CADM3: variants seen among roughly 807,000 people sequenced by gnomAD.
CADM3 encodes cell adhesion molecule 3.
In CADM3, 11 loss-of-function variants were observed where a neutral mutation model predicts 44.9. That is an observed-to-expected ratio of 0.25 (90% CI 0.15 to 0.41). The LOEUF is 0.41. CADM3 is among the 10% of genes least tolerant of loss of function. The pLI, the probability that CADM3 is intolerant of heterozygous loss-of-function variation, is 1.00. For synonymous variants in CADM3, 207 were observed against 205.2 expected, an observed-to-expected ratio of 1.01 and a Z score of -0.08; for missense variants, 426 against 512.0, an observed-to-expected ratio of 0.83 and a Z score of 1.62.
chr1:159,186,398 G>A (rs1649419297), intron 1 of CADM3, among the ~76,000 whole-genome samples: 1 of 152,120 alleles, frequency 6.6e-6, no homozygotes, highest in Non-Finnish European at 1.5e-5. Flanking sequence ...AGCAACCTGG[G>A]CCTTCTCTCA....
chr1:159,192,696 T>TG lies in CADM3; in HGVS notation c.349dup (p.Val117GlyfsTer23). On this transcript the variant is annotated frameshift_variant, in exon 3 of 9. Transcript: ENST00000368125. LOFTEE classifies it high-confidence loss of function. The stretch of plus-strand genomic sequence containing the variant: ...ACACCTGCTCAATCTTCACTATGCC[T>TG]GTGCGAACTGCCAAGTCCCTCGTCA... 6.2e-7 allele frequency: 1 copy of TG among 1,613,988 alleles called. No homozygotes were observed. The highest frequency in any genetic ancestry group is 8.5e-7 in the Non-Finnish European group (1 of 1,179,982).
chr1:159,185,907 A>T (rs1470350785), intron 1 of CADM3, among the ~76,000 whole-genome samples: 1 of 152,226 alleles, frequency 6.6e-6, no homozygotes, highest in Non-Finnish European at 1.5e-5. Flanking sequence ...AATCGTTATA[A>T]TTTGGGAGGA....
intron 7 of CADM3, among the ~76,000 whole-genome samples, chr1:159,198,799 TG>T (rs1159341695): frequency 6.6e-6 from 1 of 152,198 alleles, no homozygotes; most frequent in Non-Finnish European, 1.5e-5. Context: ...CGGCCCAGTC[TG>T]TGCTGTTGAT....
rs1394780360 is a variant in CADM3, at chr1:159,191,982, C to T, written c.135C>T (p.Thr45=). Reference sequence around the variant, plus strand: ...ATGAAACAGTGGTGGCTGGTGGCACCGTGGTGCTCAAGTGCCAAGTGAAAG... The same window carrying T: ...ATGAAACAGTGGTGGCTGGTGGCACTGTGGTGCTCAAGTGCCAAGTGAAAG... The part of the protein sequence containing the change: ...TSDETVVAGG[T]VVLKCQVKDH... Residue 45 remains threonine, a synonymous_variant, in exon 2 of 9, where the codon ACC becomes ACT. Coordinates refer to ENST00000368125, the MANE Select transcript of CADM3 (RefSeq NM_001127173.3). 6.8e-6 allele frequency: 11 copies of T among 1,614,106 alleles called. No individual in the cohort carries two copies. The highest frequency in any genetic ancestry group is 8.5e-6 in the Non-Finnish European group (10 of 1,179,994).
chr1:159,200,757 A>T, intron 8 of CADM3, 47 bp from the exon 9 acceptor site: 2 of 1,424,502 alleles, frequency 1.4e-6, no homozygotes, highest in Non-Finnish European at 1.9e-6. Context: ...GTGGACTCAG[A>T]GGTTGGGAAG....
rs34079507 is a variant in CADM3, at chr1:159,185,751, G to A, written c.89-6185G>A. On this transcript the variant is annotated intron_variant, in intron 1 of 8. Coordinates refer to ENST00000368125, the MANE Select transcript of CADM3 (RefSeq NM_001127173.3). ...TTTGGTTTGCTATTTCCTCTCTACC[G>A]GCAGATTTTGAACCTAACTCTTACA... Among the ~76,000 whole-genome samples the A allele has an allele frequency of 2.2e-3, 334 of 152,052 alleles. 3 individuals carry two copies. The highest frequency in any genetic ancestry group is 7.6e-3 in the African/African-American group (313 of 41,434).
chr1:159,178,273 A>G (rs1297561107), intron 1 of CADM3, among the ~76,000 whole-genome samples: 1 of 152,220 alleles, frequency 6.6e-6, no homozygotes, highest in African/African-American at 2.4e-5. Flanking sequence ...TAAGTGTGGA[A>G]TGTAAAATGA....
rs1261752303 is a variant in CADM3 at position 159,192,655 on chromosome 1, G to A, written c.307G>A (p.Ala103Thr). The change falls in exon 3 of 9, where the codon GCA becomes ACA. Residue 103 changes from alanine (A) to threonine (T), a missense_variant. By Grantham distance (58) the Ala-to-Thr change is moderately conservative. Coordinates refer to ENST00000368125, the MANE Select transcript of CADM3 (RefSeq NM_001127173.3). ...CATCAGCATCAGCAATGTGGCCCTG[G>A]CAGACGAGGGCGAGTACACCTGCTC... ...LSISISNVAL[A>T]DEGEYTCSIF... The A allele has an allele frequency of 1.9e-6, 3 of 1,613,980 alleles. No individual in the cohort carries two copies. The highest frequency in any genetic ancestry group is 2.5e-6 in the Non-Finnish European group (3 of 1,180,026).
At position 159,197,994 on chromosome 1, in the gene CADM3, A is replaced by T. The variant is rs183126058; in HGVS notation, c.952+934A>T. 478 of 152,358 alleles carry T rather than the reference A, an allele frequency of 3.1e-3. 1 individual carries two copies. The highest frequency in any genetic ancestry group is 4.5e-3 in the Non-Finnish European group (303 of 68,052). 9.4% of individuals were successfully genotyped at this position (152,358 alleles called of 1,614,324 possible). A position where few individuals can be genotyped will look rare whatever the true frequency, so the allele number is the denominator to read the frequency against. On this transcript the variant is annotated intron_variant, in intron 7 of 8. Coordinates refer to ENST00000368125, the MANE Select transcript of CADM3 (RefSeq NM_001127173.3). ...TGCCAAGAGCAAGGACAATGCACTG[A>T]GCTCCGGTCTCTGCCCCCAGATCTC... is the stretch of plus-strand genomic sequence containing the variant.
intron 3 of CADM3, 23 bp from the exon 4 acceptor site, chr1:159,193,399 CT>C (rs1557936649): frequency 7.6e-6 from 12 of 1,571,590 alleles, no homozygotes; most frequent in Non-Finnish European, 1.0e-5. Context: ...CCTTCCTATC[CT>C]GGCCATCCCC....
chr1:159,196,966 C>A lies in CADM3; in HGVS notation c.858C>A (p.Phe286Leu). ...LKMTQESALIFPFLNKSDSGT... is the reference protein window; with the variant it reads ...LKMTQESALILPFLNKSDSGT... ...TGACCCAGGAGAGTGCCCTGATCTT[C>A]CCTTTCCTCAACAAGAGTGACAGTG... The change falls in exon 7 of 9, where the codon TTC (phenylalanine) becomes TTA (leucine). Residue 286 changes from phenylalanine to leucine, a missense_variant. This residue lies in a region of CADM3 where 362 missense variants were observed against 474.6 expected (regional missense o/e 0.76). Coordinates refer to ENST00000368125, the MANE Select transcript of CADM3 (RefSeq NM_001127173.3). 6.2e-7 allele frequency: 1 copy of A among 1,614,140 alleles called. No homozygotes were observed. The highest frequency in any genetic ancestry group is 8.5e-7 in the Non-Finnish European group (1 of 1,180,020).
intron 1 of CADM3, among the ~76,000 whole-genome samples, chr1:159,172,916 AAAC>A (rs756575508): frequency 2.1e-4 from 32 of 152,090 alleles, no homozygotes; most frequent in Non-Finnish European, 4.1e-4. Context: ...GCCTGTAGGG[AAAC>A]CCGGAAGGGG....
At position 159,171,626 on chromosome 1, in the gene CADM3, G is replaced by C; in HGVS notation, c.-140G>C. The C allele has an allele frequency of 5.0e-6, 2 of 396,836 alleles. No individual in the cohort carries two copies. Among genetic ancestry groups the C allele is most frequent in the Non-Finnish European group, 3.9e-6 (1 of 253,562 alleles). 24.6% of individuals were successfully genotyped at this position (396,836 alleles called of 1,614,324 possible). A position where few individuals can be genotyped will look rare whatever the true frequency, so the allele number is the denominator to read the frequency against. ...ACTGCAGCAGCGCCGGCTCCCTCCC[G>C]GTCCCCACCTCGGCCCCGGGCTCCG... On this transcript the variant is annotated 5_prime_UTR_variant, in exon 1 of 9. Coordinates refer to ENST00000368125, the MANE Select transcript of CADM3 (RefSeq NM_001127173.3).
chr1:159,193,333 T>C, intron 3 of CADM3, 90 bp from the exon 4 acceptor site: 1 of 1,322,354 alleles, frequency 7.6e-7, no homozygotes, highest in Non-Finnish European at 1.0e-6. Context: ...AGAACCCAGG[T>C]ACGCAGAGAA....
In CADM3 at chr1:159,202,256, T is replaced by A. The variant is rs1488807237; in HGVS notation, c.*1334T>A. 4 of 152,580 alleles carry A rather than the reference T, an allele frequency of 2.6e-5. No individual in the cohort carries two copies. Among genetic ancestry groups the A allele is most frequent in the African/African-American group, 9.7e-5 (4 of 41,414 alleles). The allele number at this position is 152,580 out of a possible 1,614,324, so 9.5% of individuals were successfully genotyped here. On this transcript the variant is annotated 3_prime_UTR_variant, in exon 9 of 9. Transcript: ENST00000368125. The stretch of plus-strand genomic sequence containing the variant: ...GTCAGGGTTCACACCTCACCTGGGA[T>A]GTTGTTCCATGCTGGTATTTCCTCT...
At chr1:159,200,402 G>T (rs1650116472) in intron 8 of CADM3, among the ~76,000 whole-genome samples, 1 of 152,002 alleles carries the variant, frequency 6.6e-6, no homozygotes, top group Non-Finnish European at 1.5e-5. Context: ...GACTCCATAG[G>T]CTGGTCATAC....
chr1:159,192,701 G>C lies in CADM3; in HGVS notation c.353G>C (p.Arg118Pro). The change falls in exon 3 of 9, where the codon CGA becomes CCA. Residue 118 changes from arginine to proline, a missense_variant. By Grantham distance (103) the Arg-to-Pro change is moderately radical (BLOSUM62 -2). Around this residue, in one of 2 missense-constraint regions of CADM3, gnomAD observed 362 missense variants for 474.6 expected, o/e 0.76. Transcript: ENST00000368125. The stretch of plus-strand genomic sequence containing the variant: ...TGCTCAATCTTCACTATGCCTGTGC[G>C]AACTGCCAAGTCCCTCGTCACTGTG... ...YTCSIFTMPV[R>P]TAKSLVTVLG... 1 of 1,613,840 alleles carries C rather than the reference G, an allele frequency of 6.2e-7. No homozygotes were observed. The highest frequency in any genetic ancestry group is 8.5e-7 in the Non-Finnish European group (1 of 1,179,966).
At chr1:159,193,390 C>A (rs771046763) in intron 3 of CADM3, 33 bp from the exon 4 acceptor site, 1 of 1,560,290 alleles carries the variant, frequency 6.4e-7, no homozygotes, top group South Asian at 1.2e-5. Context: ...GGGGCCTCTC[C>A]TTCCTATCCT....
chr1:159,172,841 A>G (rs1648871593), intron 1 of CADM3, among the ~76,000 whole-genome samples: 1 of 152,132 alleles, frequency 6.6e-6, no homozygotes, highest in Non-Finnish European at 1.5e-5. Context: ...TATGTAGGTC[A>G]GCGCTGTGGG....
Sources: gnomAD v4.1 joint callset for allele counts (sites outside exome capture counted in the v4.1 genomes callset) on GRCh38, gnomAD v4.1.1 for gene constraint, gnomAD v4.1.1 regional missense constraint, MANE v1.5 for transcripts, NCBI Gene and HGNC (gene_info 2026-07-23, HGNC 2026-07-21) for gene names.